NOL4: variants seen among roughly 807,000 people sequenced by gnomAD.
NOL4 encodes nucleolar protein 4, also known as cancer/testis antigen 125.
Under a neutral mutation model 75.9 loss-of-function variants are expected in NOL4, and 17 were observed. That is an observed-to-expected ratio of 0.22 (90% CI 0.15 to 0.34). NOL4 has a LOEUF of 0.34. NOL4 is among the 10% of genes least tolerant of loss of function. The pLI is 1.00. For synonymous variants in NOL4, 292 were observed against 289.9 expected, an observed-to-expected ratio of 1.01 and a Z score of -0.07; for missense variants, 614 against 793.5, an observed-to-expected ratio of 0.77 and a Z score of 2.72.
At position 33,993,648 on chromosome 18, in the gene NOL4, A is replaced by G. The variant is rs76985359; in HGVS notation, c.1056+25670T>C. Among the ~76,000 whole-genome samples, 1,229 of 152,038 alleles carry G rather than the reference A, an allele frequency of 8.1e-3. 19 individuals carry two copies. Among genetic ancestry groups the G allele is most frequent in the African/African-American group, 0.029 (1,190 of 41,548 alleles). On this transcript the variant is annotated intron_variant, in intron 6 of 10. Coordinates refer to ENST00000261592, the MANE Select transcript of NOL4 (RefSeq NM_003787.5). ...GTATGAGTGAGCAGATGTTAGGTTT[A>G]ACAGAATAAGATGTCAAAGTAGCCA...
intron 1 of NOL4, among the ~76,000 whole-genome samples, chr18:34,204,241 G>C (rs1024582679): frequency 3.3e-5 from 5 of 152,070 alleles, no homozygotes; most frequent in Admixed American, 6.6e-5. Flanking sequence ...CGTGCTCTTT[G>C]ACAGTGAGTT....
intron 4 of NOL4, among the ~76,000 whole-genome samples, chr18:34,097,268 T>C (rs2078830600): frequency 6.6e-6 from 1 of 152,226 alleles, no homozygotes; most frequent in African/African-American, 2.4e-5. Context: ...TCTTCTCTTC[T>C]GTTGATTTTT....
chr18:34,222,684 G>A (rs1179176871), intron 1 of NOL4, among the ~76,000 whole-genome samples: 6 of 152,244 alleles, frequency 3.9e-5, no homozygotes, highest in African/African-American at 1.4e-4. Context: ...GCCCGAGGAC[G>A]CCAGACGCCG....
At chr18:34,092,137 C>CT (rs2145534763) in intron 5 of NOL4, among the ~76,000 whole-genome samples, 1 of 151,566 alleles carries the variant, frequency 6.6e-6, no homozygotes, top group South Asian at 2.1e-4. Flanking sequence ...GAGTGATATA[C>CT]ATTACTAAGA....
intron 5 of NOL4, among the ~76,000 whole-genome samples, chr18:34,055,187 A>ATT (rs2076785196): frequency 6.6e-6 from 1 of 151,844 alleles, no homozygotes; most frequent in Non-Finnish European, 1.5e-5. Flanking sequence ...GTGCACCAAA[A>ATT]TTATAATAAT....
At chr18:34,114,802 T>C (rs1461827697) in intron 2 of NOL4, among the ~76,000 whole-genome samples, 1 of 151,914 alleles carries the variant, frequency 6.6e-6, no homozygotes, top group Non-Finnish European at 1.5e-5. Context: ...TCTATTTCTG[T>C]AAATTTAATG....
chr18:33,862,410 A>T (rs1169560916), intron 10 of NOL4, among the ~76,000 whole-genome samples: 1 of 152,228 alleles, frequency 6.6e-6, no homozygotes, highest in African/African-American at 2.4e-5. Context: ...AGAAGCCAAA[A>T]TTGACAAATG....
At chr18:33,934,889 G>A (rs957168493) in intron 9 of NOL4, among the ~76,000 whole-genome samples, 3 of 141,348 alleles carry the variant, frequency 2.1e-5, no homozygotes, top group African/African-American at 8.1e-5. Context: ...TTTTGATACA[G>A]GGTCTCACTC....
At chr18:34,121,489 C>A (rs1600660985) in intron 2 of NOL4, among the ~76,000 whole-genome samples, 1 of 152,202 alleles carries the variant, frequency 6.6e-6, no homozygotes, top group Non-Finnish European at 1.5e-5. Context: ...AATACAGTTG[C>A]TGTAGCCACT....
At chr18:33,980,762 T>C (rs994268063) in intron 6 of NOL4, among the ~76,000 whole-genome samples, 2 of 152,002 alleles carry the variant, frequency 1.3e-5, no homozygotes, top group African/African-American at 4.8e-5. Context: ...CTCATTTCCT[T>C]TTACCAAGAA....
intron 6 of NOL4, among the ~76,000 whole-genome samples, chr18:33,996,985 G>T (rs755666394): frequency 6.6e-6 from 1 of 151,764 alleles, no homozygotes; most frequent in Non-Finnish European, 1.5e-5. Context: ...AGTTCCTTAC[G>T]CATTCTGGAT....
intron 1 of NOL4, among the ~76,000 whole-genome samples, chr18:34,200,860 C>A (rs1268506587): frequency 1.3e-5 from 2 of 151,644 alleles, no homozygotes; most frequent in African/African-American, 4.8e-5. Flanking sequence ...ATAAGAAAGA[C>A]AATTTTTTTT....
chr18:34,220,735 CT>C (rs1181583509), intron 1 of NOL4, among the ~76,000 whole-genome samples: 3 of 152,122 alleles, frequency 2.0e-5, no homozygotes, highest in Non-Finnish European at 4.4e-5. Context: ...TTAAAAACCT[CT>C]TCAATATTTC....
chr18:34,095,116 G>T (rs1232416594), intron 4 of NOL4, among the ~76,000 whole-genome samples: 1 of 152,124 alleles, frequency 6.6e-6, no homozygotes, highest in Non-Finnish European at 1.5e-5. Context: ...ACACTGAGTA[G>T]CACTAGCTCT....
At chr18:34,099,687 T>C (rs2078954858) in intron 4 of NOL4, among the ~76,000 whole-genome samples, 1 of 152,102 alleles carries the variant, frequency 6.6e-6, no homozygotes, top group Non-Finnish European at 1.5e-5. Context: ...TCTAACCCTC[T>C]AACCCTTTTG....
intron 10 of NOL4, among the ~76,000 whole-genome samples, chr18:33,865,924 C>G (rs549030695): frequency 6.6e-6 from 1 of 152,088 alleles, no homozygotes; most frequent in Non-Finnish European, 1.5e-5. Context: ...TTTTCTACAA[C>G]GTAACAAGTT....
At chr18:34,010,666 C>T (rs1382888789) in intron 6 of NOL4, among the ~76,000 whole-genome samples, 1 of 151,752 alleles carries the variant, frequency 6.6e-6, no homozygotes, top group Non-Finnish European at 1.5e-5. Context: ...TTTACTTTCC[C>T]ACCAATAGTA....
At chr18:34,073,292 C>T (rs1291876182) in intron 5 of NOL4, among the ~76,000 whole-genome samples, 6 of 151,916 alleles carry the variant, frequency 3.9e-5, no homozygotes, top group Non-Finnish European at 8.8e-5. Context: ...ATTCTGAACA[C>T]TTTAAGCCAA....
At chr18:33,978,608 A>T (rs2071693171) in intron 6 of NOL4, among the ~76,000 whole-genome samples, 1 of 152,100 alleles carries the variant, frequency 6.6e-6, no homozygotes, top group Non-Finnish European at 1.5e-5. Flanking sequence ...ATTTAGATGT[A>T]TAATGTCATC....
Sources: allele counts gnomAD v4.1 joint callset (sites outside exome capture counted in the v4.1 genomes callset), GRCh38; gene constraint gnomAD v4.1.1; transcripts MANE v1.5; gene names NCBI Gene and HGNC (gene_info 2026-07-23, HGNC 2026-07-21).